PKNOX2: variants seen among roughly 807,000 people sequenced by gnomAD.
PKNOX2 encodes the protein homeobox protein PKNOX2.
Under a neutral mutation model 53.1 loss-of-function variants are expected in PKNOX2, and 14 were observed. The observed-to-expected ratio is 0.26, with a 90% confidence interval of 0.17 to 0.41. The LOEUF (loss-of-function observed/expected upper bound fraction) is 0.41, where lower values mean the gene tolerates loss of function less well. PKNOX2 is among the 10% of genes least tolerant of loss of function. PKNOX2 has a pLI of 1.00. For synonymous variants in PKNOX2, 257 were observed against 242.8 expected, an observed-to-expected ratio of 1.06 and a Z score of -0.54; for missense variants, 496 against 602.8, an observed-to-expected ratio of 0.82 and a Z score of 1.85.
At chr11:125,342,526 C>G (rs1459410874) in intron 3 of PKNOX2, among the ~76,000 whole-genome samples, 103 of 152,210 alleles carry the variant, frequency 6.8e-4, no homozygotes, top group Admixed American at 6.7e-3. Flanking sequence ...GGAGGTGGCT[C>G]TGCGCTTTTC....
At chr11:125,286,220 G>A (rs76560206) in intron 2 of PKNOX2, among the ~76,000 whole-genome samples, 2,738 of 152,306 alleles carry the variant, frequency 0.018, 39 homozygotes, top group Non-Finnish European at 0.028. Context: ...AGGCTCACAG[G>A]TAGCCTAAAA....
intron 2 of PKNOX2, among the ~76,000 whole-genome samples, chr11:125,246,553 C>T (rs1354963219): frequency 6.6e-6 from 1 of 152,168 alleles, no homozygotes; most frequent in East Asian, 1.9e-4. Context: ...ACCACAGCAT[C>T]TGGAGGAAGA....
chr11:125,213,988 C>T (rs1008812907), intron 1 of PKNOX2, among the ~76,000 whole-genome samples: 4 of 152,162 alleles, frequency 2.6e-5, no homozygotes, highest in Admixed American at 2.0e-4. Flanking sequence ...CCCGGCTTGG[C>T]CTTTTGGCTC....
chr11:125,284,761 C>A lies in PKNOX2; in HGVS notation c.-129-47058C>A, dbSNP rs576323650. On this transcript the variant is annotated intron_variant, in intron 2 of 12. Coordinates refer to ENST00000298282, the MANE Select transcript of PKNOX2 (RefSeq NM_001382323.2). The stretch of plus-strand genomic sequence containing the variant: ...AATTTAGCTTAGGAAACCCACAAGA[C>A]CAGCCTCCTCAGAGAAAGGACACTA... Among the ~76,000 whole-genome samples, 5 of 152,194 alleles carry A rather than the reference C, an allele frequency of 3.3e-5. No individual in the cohort carries two copies. In the East Asian group the frequency reaches 7.8e-4, roughly 24 times the overall value.
rs376281538 is a variant in PKNOX2, at chr11:125,411,885, G to T, written c.936+20G>T. Reference sequence around the variant, plus strand: ...CTCATGGTGAGTGTGTGTGTCTTGGGGGTGTGGAGTCCCGGCATGGGGTAT... The same window carrying T: ...CTCATGGTGAGTGTGTGTGTCTTGGTGGTGTGGAGTCCCGGCATGGGGTAT... On this transcript the variant is annotated intron_variant, in intron 10 of 12. Coordinates refer to ENST00000298282, the MANE Select transcript of PKNOX2 (RefSeq NM_001382323.2). 14 of 1,613,736 alleles carry T rather than the reference G, an allele frequency of 8.7e-6. No homozygotes were observed. The highest frequency in any genetic ancestry group is 3.3e-5 in the Admixed American group (2 of 59,996).
intron 3 of PKNOX2, among the ~76,000 whole-genome samples, chr11:125,344,262 A>C (rs910261816): frequency 2.0e-5 from 3 of 152,192 alleles, no homozygotes; most frequent in Non-Finnish European, 2.9e-5. Context: ...TGTTACTCCA[A>C]ATAAAGAACA....
At chr11:125,167,206 G>C (rs372315564) in intron 1 of PKNOX2, among the ~76,000 whole-genome samples, 227 of 150,902 alleles carry the variant, frequency 1.5e-3, no homozygotes, top group African/African-American at 5.4e-3. Context: ...GGTGGGAGCG[G>C]GGGGGAGGAG....
chr11:125,223,218 C>T (rs1941390542), intron 1 of PKNOX2, among the ~76,000 whole-genome samples: 1 of 151,902 alleles, frequency 6.6e-6, no homozygotes, highest in African/African-American at 2.4e-5. Context: ...GAAGCCCACA[C>T]TCTTCCTCTT....
intron 4 of PKNOX2, among the ~76,000 whole-genome samples, chr11:125,354,252 A>G (rs1405220382): frequency 6.6e-6 from 1 of 152,176 alleles, no homozygotes; most frequent in Non-Finnish European, 1.5e-5. Context: ...CCACATGTTC[A>G]GGGAAGCAGG....
At chr11:125,368,719 G>C (rs1952333822) in intron 5 of PKNOX2, among the ~76,000 whole-genome samples, 1 of 152,190 alleles carries the variant, frequency 6.6e-6, no homozygotes, top group African/African-American at 2.4e-5. Flanking sequence ...TGTTGCAGAG[G>C]GTGGGATGGG....
Position 125,397,897 on chromosome 11 carries a change from G to C in PKNOX2, c.423G>C (p.Leu141=), listed in dbSNP as rs772814790. The part of the protein sequence containing the change: ...DNLMVKAIQV[L]RIHLLELEKV... ...AGATGGTGAAGGCAATCCAGGTCCTGAGAATCCACCTGCTGGAGCTGGAGA... is the reference window on the plus strand; with the variant it reads ...AGATGGTGAAGGCAATCCAGGTCCTCAGAATCCACCTGCTGGAGCTGGAGA... Residue 141 remains leucine, a synonymous_variant, in exon 7 of 13, where the codon CTG becomes CTC. Transcript: ENST00000298282. 1 of 1,612,910 alleles carries C rather than the reference G, an allele frequency of 6.2e-7. No individual in the cohort carries two copies. The highest frequency in any genetic ancestry group is 8.5e-7 in the Non-Finnish European group (1 of 1,179,362).
chr11:125,316,318 A>G (rs1042313413), intron 2 of PKNOX2, among the ~76,000 whole-genome samples: 5 of 152,182 alleles, frequency 3.3e-5, no homozygotes, highest in Admixed American at 3.3e-4. Context: ...GTGGCCTTCT[A>G]TGCACTGGGC....
At chr11:125,205,518 C>T (rs917029761) in intron 1 of PKNOX2, among the ~76,000 whole-genome samples, 4 of 150,012 alleles carry the variant, frequency 2.7e-5, no homozygotes, top group Admixed American at 2.6e-4. Flanking sequence ...TATTTTATTA[C>T]ATCCAAGTAA....
rs372983264 is a variant in PKNOX2 at position 125,360,281 on chromosome 11, A to T, written c.88-7565A>T. Among the ~76,000 whole-genome samples the T allele has an allele frequency of 2.0e-4, 30 of 152,224 alleles. No individual in the cohort carries two copies. The East Asian group carries it at 5.6e-3, about 28-fold the overall frequency. On this transcript the variant is annotated intron_variant, in intron 4 of 12. Transcript: ENST00000298282. ...TAATAGTCATAACAAGCAAGACTGT[A>T]TGCAGAGGAGTGGGGGCACTGGGGC...
chr11:125,189,407 A>G (rs1327684868), intron 1 of PKNOX2, among the ~76,000 whole-genome samples: 1 of 43,908 alleles, frequency 2.3e-5, no homozygotes, highest in African/African-American at 8.0e-5. Context: ...ATGTGTGTAT[A>G]TATATATGTG....
chr11:125,386,395 G>A (rs908763441), intron 6 of PKNOX2, among the ~76,000 whole-genome samples: 1 of 152,160 alleles, frequency 6.6e-6, no homozygotes, highest in African/African-American at 2.4e-5. Flanking sequence ...ATTGTCATTA[G>A]GTTTGGTAAC....
At chr11:125,322,539 G>A (rs984173548) in intron 2 of PKNOX2, among the ~76,000 whole-genome samples, 1 of 152,170 alleles carries the variant, frequency 6.6e-6, no homozygotes, top group Non-Finnish European at 1.5e-5. Flanking sequence ...GCCCCACCCA[G>A]GATGGCGCTG....
intron 3 of PKNOX2, among the ~76,000 whole-genome samples, chr11:125,334,373 C>A (rs1950317596): frequency 6.6e-6 from 1 of 152,130 alleles, no homozygotes; most frequent in South Asian, 2.1e-4. Context: ...GGAGCTGATT[C>A]CATACTCAGG....
In PKNOX2 at chr11:125,333,549, T is replaced by TACACACACACACACACAC. The variant is rs57352759; in HGVS notation, c.-23+1639_-23+1656dup. The stretch of plus-strand genomic sequence containing the variant: ...CTCAGTCCCAAGACACACACACACA[T>TACACACACACACACACAC]ACACACACACACACACACACACACA... On this transcript the variant is annotated intron_variant, in intron 3 of 12. Coordinates refer to ENST00000298282, the MANE Select transcript of PKNOX2 (RefSeq NM_001382323.2). Among the ~76,000 whole-genome samples the TACACACACACACACACAC allele has an allele frequency of 5.3e-4, 75 of 142,326 alleles. 1 individual carries two copies. Among genetic ancestry groups the TACACACACACACACACAC allele is most frequent in the Admixed American group, 1.6e-3 (23 of 14,164 alleles). The allele number at this position is 142,326 out of a possible 152,430, so 93.4% of individuals were successfully genotyped here.
Sources: allele counts gnomAD v4.1 joint callset (sites outside exome capture counted in the v4.1 genomes callset), GRCh38; gene constraint gnomAD v4.1.1; transcripts MANE v1.5; gene names NCBI Gene and HGNC (gene_info 2026-07-23, HGNC 2026-07-21).